Variants in PIK3R3 observed in about 807,000 individuals in gnomAD.
PIK3R3 encodes phosphatidylinositol 3-kinase regulatory subunit gamma.
In PIK3R3, 64 loss-of-function variants were observed where a neutral mutation model predicts 62.9. That is an observed-to-expected ratio of 1.02 (90% CI 0.83 to 1.25). The LOEUF (loss-of-function observed/expected upper bound fraction) is 1.25, where lower values mean the gene tolerates loss of function less well. Among genes scored for constraint, PIK3R3 ranks in the 50% most tolerant of loss-of-function variants. The probability of loss-of-function intolerance (pLI) is 0.00; values close to 1 mark genes in which losing one functional copy is unlikely to be tolerated. For missense variants in PIK3R3, 614 were observed against 561.6 expected, an observed-to-expected ratio of 1.09 and a Z score of -0.94; for synonymous variants, 165 against 189.0, an observed-to-expected ratio of 0.87 and a Z score of 1.04.
chr1:46,171,569 G>T, the PIK3R3 span, among the ~76,000 whole-genome samples: 1 of 152,130 alleles, frequency 6.6e-6, no homozygotes, highest in South Asian at 2.1e-4. Context: ...TGCATTGTGG[G>T]GTTGGAGCTG....
intron 7 of PIK3R3, among the ~76,000 whole-genome samples, chr1:46,048,787 T>C (rs1191792535): frequency 6.6e-6 from 1 of 152,192 alleles, no homozygotes; most frequent in African/African-American, 2.4e-5. Context: ...GGTGCCTACC[T>C]TCTGACTTAG....
intron 1 of PIK3R3, among the ~76,000 whole-genome samples, chr1:46,115,723 A>C (rs1391275184): frequency 1.3e-5 from 2 of 152,186 alleles, no homozygotes; most frequent in African/African-American, 4.8e-5. Flanking sequence ...CTAAAACTAA[A>C]CAGACTTTTT....
the PIK3R3 span, among the ~76,000 whole-genome samples, chr1:46,163,527 G>A: frequency 2.6e-5 from 4 of 152,172 alleles, no homozygotes; most frequent in South Asian, 4.1e-4. Context: ...CTCACTGCAG[G>A]AAACAAGTGA....
At chr1:46,088,975 CT>C (rs1467380332) in intron 1 of PIK3R3, among the ~76,000 whole-genome samples, 2 of 151,890 alleles carry the variant, frequency 1.3e-5, no homozygotes, top group Non-Finnish European at 2.9e-5. Flanking sequence ...CCTTCCAAAT[CT>C]GAGGGAAAAT....
chr1:46,149,676 A>G, the PIK3R3 span, among the ~76,000 whole-genome samples: 2 of 151,958 alleles, frequency 1.3e-5, no homozygotes, highest in African/African-American at 2.4e-5. Flanking sequence ...GACTACAGGC[A>G]TGCACCACCA....
At chr1:46,100,968 G>A (rs1303227847) in intron 1 of PIK3R3, among the ~76,000 whole-genome samples, 3 of 151,146 alleles carry the variant, frequency 2.0e-5, no homozygotes, top group Non-Finnish European at 4.4e-5. Context: ...TAGGCTAGGA[G>A]TTCAAGACTA....
chr1:46,067,253 C>CATATATAT (rs71307629), intron 3 of PIK3R3, among the ~76,000 whole-genome samples, 162 bp from the exon 4 acceptor site: 33,708 of 129,750 alleles, frequency 0.26, 4,760 homozygotes, highest in East Asian at 0.32. Flanking sequence ...TGTGTGTGAA[C>CATATATAT]ATATATATAT....
intron 1 of PIK3R3, among the ~76,000 whole-genome samples, chr1:46,119,524 C>T (rs1654477244): frequency 6.6e-6 from 1 of 152,210 alleles, no homozygotes; most frequent in Admixed American, 6.5e-5. Flanking sequence ...CCTCTCTTAA[C>T]TACTCCACTA....
chr1:46,083,573 T>G (rs891413257), intron 1 of PIK3R3, among the ~76,000 whole-genome samples: 2 of 152,166 alleles, frequency 1.3e-5, no homozygotes, highest in African/African-American at 4.8e-5. Flanking sequence ...CATAAAAGAA[T>G]CCTTTCAATT....
At chr1:46,078,758 T>TA (rs1321430492) in intron 2 of PIK3R3, among the ~76,000 whole-genome samples, 1 of 152,060 alleles carries the variant, frequency 6.6e-6, no homozygotes, top group East Asian at 1.9e-4. Context: ...ATGAATGGAT[T>TA]AAAAAAATAT....
chr1:46,064,297 T>C (rs544394079), intron 5 of PIK3R3, among the ~76,000 whole-genome samples: 10 of 152,198 alleles, frequency 6.6e-5, no homozygotes, highest in African/African-American at 2.4e-4. Context: ...TCCCAGCACT[T>C]TGGGAGGCCG....
intron 7 of PIK3R3, among the ~76,000 whole-genome samples, chr1:46,051,594 C>T (rs968641302): frequency 2.0e-5 from 3 of 151,802 alleles, no homozygotes; most frequent in Admixed American, 6.6e-5. Flanking sequence ...GCAAACTCCC[C>T]TATATATATA....
intron 1 of PIK3R3, among the ~76,000 whole-genome samples, chr1:46,101,161 G>A (rs1222494960): frequency 1.8e-5 from 2 of 114,126 alleles, no homozygotes; most frequent in African/African-American, 3.3e-5. Context: ...AACAAAGCAA[G>A]ACTCCGTCTC....
At chr1:46,092,202 G>A (rs1418642644) in intron 1 of PIK3R3, among the ~76,000 whole-genome samples, 1 of 152,096 alleles carries the variant, frequency 6.6e-6, no homozygotes, top group African/African-American at 2.4e-5. Context: ...TTAAATGAAG[G>A]CGCCTTAGCC....
Position 46,041,051 on chromosome 1 carries a change from T to TCCC in PIK3R3, c.*2621_*2622insGGG, listed in dbSNP as rs1646987116. On this transcript the variant is annotated 3_prime_UTR_variant, in exon 10 of 10. Transcript: ENST00000262741. ...GTATAATGAACCCCTCTGATCTTGG[T>TCCC]CTCTCTTTGCCCTCTGCCTCATTGA... 6.2e-6 allele frequency: 1 copy of TCCC among 160,422 alleles called. No individual in the cohort carries two copies. The highest frequency in any genetic ancestry group is 2.4e-5 in the African/African-American group (1 of 41,688). The allele number at this position is 160,422 out of a possible 1,614,324, so 9.9% of individuals were successfully genotyped here. A position where few individuals can be genotyped will look rare whatever the true frequency, so the allele number is the denominator to read the frequency against.
chr1:46,132,256 A>G lies in PIK3R3; in HGVS notation c.-304T>C. The G allele has an allele frequency of 8.7e-7, 1 of 1,146,944 alleles. No homozygotes were observed. The highest frequency in any genetic ancestry group is 1.1e-6 in the Non-Finnish European group (1 of 927,226). The allele number at this position is 1,146,944 out of a possible 1,614,324, so 71.0% of individuals were successfully genotyped here. A position where few individuals can be genotyped will look rare whatever the true frequency, so the allele number is the denominator to read the frequency against. On this transcript the variant is annotated 5_prime_UTR_variant, in exon 1 of 10. Transcript: ENST00000262741. ...GCGGCTTCCCAAAAATCCTTTCTAC[A>G]CAGTCGCTCTCCGGGGAGAAAAGCT...
At chr1:46,163,170 TC>T in the PIK3R3 span, among the ~76,000 whole-genome samples, 1 of 152,252 alleles carries the variant, frequency 6.6e-6, no homozygotes, top group Non-Finnish European at 1.5e-5. Context: ...CTTAAAACCT[TC>T]CCTCAATTAT....
chr1:46,147,247 G>T, the PIK3R3 span, among the ~76,000 whole-genome samples: 1 of 151,980 alleles, frequency 6.6e-6, no homozygotes, highest in African/African-American at 2.4e-5. Context: ...GGGACTACAG[G>T]TGCCTGCCAC....
intron 1 of PIK3R3, among the ~76,000 whole-genome samples, chr1:46,103,709 C>T (rs569245492): frequency 6.6e-6 from 1 of 152,100 alleles, no homozygotes; most frequent in South Asian, 2.1e-4. Flanking sequence ...ATTCTCCTGC[C>T]TCAGCCTCCC....
Sources: gnomAD v4.1 joint callset for allele counts (sites outside exome capture counted in the v4.1 genomes callset) on GRCh38, gnomAD v4.1.1 for gene constraint, MANE v1.5 for transcripts, NCBI Gene and HGNC (gene_info 2026-07-23, HGNC 2026-07-21) for gene names.